The following KIF26B variants were observed in gnomAD, a reference collection of about 807,000 sequenced individuals.
KIF26B encodes the protein kinesin-like protein KIF26B.
Under a neutral mutation model 151.2 loss-of-function variants are expected in KIF26B, and 63 were observed. That is an observed-to-expected ratio of 0.42 (90% CI 0.34 to 0.51). KIF26B has a LOEUF of 0.51. KIF26B is among the 20% of genes least tolerant of loss of function. The pLI, the probability that KIF26B is intolerant of heterozygous loss-of-function variation, is 0.07. For missense variants in KIF26B, 2,813 were observed against 2,913.6 expected, an observed-to-expected ratio of 0.97 and a Z score of 0.79; for synonymous variants, 1,357 against 1,262.1, an observed-to-expected ratio of 1.08 and a Z score of -1.59.
chr1:245,441,434 A>G (rs1010686155), intron 4 of KIF26B, among the ~76,000 whole-genome samples: 3 of 152,206 alleles, frequency 2.0e-5, no homozygotes, highest in Middle Eastern at 3.4e-3. Flanking sequence ...TACAAAAAAG[A>G]GTCTCTTCCT....
chr1:245,282,182 CAG>C (rs1315133246), intron 2 of KIF26B, among the ~76,000 whole-genome samples: 1 of 151,952 alleles, frequency 6.6e-6, no homozygotes, highest in Non-Finnish European at 1.5e-5. Context: ...AGGTAATTTA[CAG>C]ATTCAATGCC....
intron 10 of KIF26B, among the ~76,000 whole-genome samples, chr1:245,649,935 C>A (rs1336094797): frequency 6.6e-6 from 1 of 152,220 alleles, no homozygotes; most frequent in Non-Finnish European, 1.5e-5. Context: ...GCGCTGAATG[C>A]TTCTGACTTT....
Position 245,436,103 on chromosome 1 carries a change from G to A in KIF26B, c.1166+16358G>A, listed in dbSNP as rs1471448276. Among the ~76,000 whole-genome samples the A allele has an allele frequency of 2.0e-5, 3 of 152,038 alleles. No homozygotes were observed. The East Asian group carries it at 5.8e-4, about 29-fold the overall frequency. On this transcript the variant is annotated intron_variant, in intron 4 of 14. Coordinates refer to ENST00000407071, the MANE Select transcript of KIF26B (RefSeq NM_018012.4). ...GAGACAGGAGAATCACTTGAACCTG[G>A]GAGGTGGAGGTTGCAGTGAGCTGAG...
chr1:245,303,999 C>T (rs914414759), intron 2 of KIF26B, among the ~76,000 whole-genome samples: 2 of 152,214 alleles, frequency 1.3e-5, no homozygotes, highest in Non-Finnish European at 2.9e-5. Context: ...TCCAACTCCA[C>T]CATCTTCCCT....
At chr1:245,213,496 G>A (rs1460296832) in intron 2 of KIF26B, among the ~76,000 whole-genome samples, 1 of 152,222 alleles carries the variant, frequency 6.6e-6, no homozygotes, top group Admixed American at 6.5e-5. Context: ...TTCAGGGATG[G>A]AAGTGCCTGA....
At chr1:245,346,035 C>G (rs1263106574) in intron 2 of KIF26B, among the ~76,000 whole-genome samples, 1 of 150,740 alleles carries the variant, frequency 6.6e-6, no homozygotes, top group African/African-American at 2.5e-5. Context: ...TGGGTTCAAG[C>G]GATTCTCCTG....
chr1:245,565,150 G>A (rs1179262380), intron 5 of KIF26B, among the ~76,000 whole-genome samples: 1 of 152,184 alleles, frequency 6.6e-6, no homozygotes, highest in African/African-American at 2.4e-5. Context: ...TTTTTTTAAA[G>A]AGTAAAATTT....
Position 245,702,415 on chromosome 1 carries a change from C to A in KIF26B, c.6179-43C>A. ...TGAGCCGTCGGGAGTTGCTTCTCAC[C>A]CTGTTTGCTCTGCGTCTCCATCAGG... is the stretch of plus-strand genomic sequence containing the variant. On this transcript the variant is annotated intron_variant, in intron 14 of 14. Coordinates refer to ENST00000407071, the MANE Select transcript of KIF26B (RefSeq NM_018012.4). This position sits in a 1 kb window ranked among gnomAD's most constrained non-coding sequence, Gnocchi z 4.1. The A allele has an allele frequency of 6.2e-7, 1 of 1,609,894 alleles. No homozygotes were observed. Among genetic ancestry groups the A allele is most frequent in the East Asian group, 2.2e-5 (1 of 44,792 alleles).
chr1:245,468,877 C>G (rs997037755), intron 4 of KIF26B, among the ~76,000 whole-genome samples: 2 of 152,138 alleles, frequency 1.3e-5, no homozygotes, highest in Admixed American at 1.3e-4. Context: ...ATGGGAAATA[C>G]TTCTTATTCC....
intron 5 of KIF26B, among the ~76,000 whole-genome samples, chr1:245,561,076 C>T (rs1189222907): frequency 6.6e-6 from 1 of 152,196 alleles, no homozygotes; most frequent in Non-Finnish European, 1.5e-5. Context: ...GGAGGCCAGT[C>T]ACCAGGTGAC....
intron 2 of KIF26B, among the ~76,000 whole-genome samples, chr1:245,341,303 G>GTTTTTTTTTTTTTTTTTTTTTT (rs34249209): frequency 1.2e-5 from 1 of 82,540 alleles, no homozygotes. Flanking sequence ...AAAAGATGCA[G>GTTTTTTTTTTTTTTTTTTTTTT]TTTTTTTTTT....
At chr1:245,356,619 C>T (rs973843314) in intron 2 of KIF26B, among the ~76,000 whole-genome samples, 1 of 152,170 alleles carries the variant, frequency 6.6e-6, no homozygotes, top group African/African-American at 2.4e-5. Flanking sequence ...GGGAACCTCT[C>T]TCACTGAAAA....
At chr1:245,660,702 C>G (rs2147932353) in intron 10 of KIF26B, among the ~76,000 whole-genome samples, 1 of 152,284 alleles carries the variant, frequency 6.6e-6, no homozygotes, top group Middle Eastern at 3.4e-3. Context: ...GTTTCCCCTT[C>G]TTGTTCTGTA....
In KIF26B at chr1:245,520,607, CCCACCCATCCATCCAT is replaced by C. The variant is rs1421542346; in HGVS notation, c.1167-20156_1167-20141del. On this transcript the variant is annotated intron_variant, in intron 4 of 14. Coordinates refer to ENST00000407071, the MANE Select transcript of KIF26B (RefSeq NM_018012.4). ...ATCCATCCATCCATCCATCCACCCA[CCCACCCATCCATCCAT>C]CCATCCATCCATCCATCCATCCATC... 1.8e-3 allele frequency among the ~76,000 whole-genome samples: 192 copies of C among 107,564 alleles called. 3 individuals are homozygous for C. The highest frequency in any genetic ancestry group is 0.015 in the Admixed American group (151 of 10,108). 70.6% of individuals were successfully genotyped at this position (107,564 alleles called of 152,430 possible). A position where few individuals can be genotyped will look rare whatever the true frequency, so the allele number is the denominator to read the frequency against.
Position 245,375,418 on chromosome 1 carries a change from TAC to T in KIF26B, c.999+8053_999+8054del, listed in dbSNP as rs765432596. 2.6e-5 allele frequency among the ~76,000 whole-genome samples: 4 copies of T among 152,152 alleles called. No homozygotes were observed. Among genetic ancestry groups the T allele is most frequent in the Non-Finnish European group, 5.9e-5 (4 of 67,984 alleles). ...ACTATCTGGGTGGACTCAATGTAAT[TAC>T]AAGGATCCTTAAAGAGGAAGGCAGG... On this transcript the variant is annotated intron_variant, in intron 3 of 14. Coordinates refer to ENST00000407071, the MANE Select transcript of KIF26B (RefSeq NM_018012.4). This position sits in a 1 kb window ranked among gnomAD's most constrained non-coding sequence, Gnocchi z 4.2.
intron 4 of KIF26B, among the ~76,000 whole-genome samples, chr1:245,451,585 C>CTTTTTTTTTTTTTTTTTTTTTT (rs58192966): frequency 1.5e-4 from 9 of 58,756 alleles, no homozygotes; most frequent in African/African-American, 4.3e-4. Context: ...GAAGATCTAT[C>CTTTTTTTTTTTTTTTTTTTTTT]TTTTTTTTTT....
intron 2 of KIF26B, among the ~76,000 whole-genome samples, chr1:245,203,244 C>G (rs1209668866): frequency 2.6e-3 from 2 of 782 alleles, no homozygotes; most frequent in Non-Finnish European, 7.3e-3. Flanking sequence ...GCGACTCTGT[C>G]TCAAAAAAAA....
At position 245,564,103 on chromosome 1, in the gene KIF26B, C is replaced by T. The variant is rs1327163071; in HGVS notation, c.1350+23153C>T. On this transcript the variant is annotated intron_variant, in intron 5 of 14. Coordinates refer to ENST00000407071, the MANE Select transcript of KIF26B (RefSeq NM_018012.4). The surrounding 1 kb of genome is among the most constrained non-coding windows in gnomAD (Gnocchi z 4.6). ...TCCCAAGTACCAGTCAGGCTCCCAC[C>T]GTCCCTTCCTATCCCAAAATGTCAC... Among the ~76,000 whole-genome samples, 4 of 152,162 alleles carry T rather than the reference C, an allele frequency of 2.6e-5. No homozygotes were observed. The highest frequency in any genetic ancestry group is 4.8e-5 in the African/African-American group (2 of 41,432).
chr1:245,274,105 C>T (rs1358062379), intron 2 of KIF26B, among the ~76,000 whole-genome samples: 1 of 152,188 alleles, frequency 6.6e-6, no homozygotes, highest in Non-Finnish European at 1.5e-5. Flanking sequence ...AAGCTGACAA[C>T]AACTTCAGTC....
Sources: allele counts gnomAD v4.1 joint callset (sites outside exome capture counted in the v4.1 genomes callset), GRCh38; gene constraint gnomAD v4.1.1; non-coding constraint Gnocchi (gnomAD v3.1); transcripts MANE v1.5; gene names NCBI Gene and HGNC (gene_info 2026-07-23, HGNC 2026-07-21).